Variants in CECR2 observed in about 807,000 individuals in gnomAD.
CECR2 encodes CECR2 histone acetyl-lysine reader.
In CECR2, 30 loss-of-function variants were observed where a neutral mutation model predicts 154.5. The observed-to-expected ratio is 0.19, with a 90% CI of 0.15 to 0.26. The LOEUF (loss-of-function observed/expected upper bound fraction) is 0.26, where lower values mean the gene tolerates loss of function less well. Among genes scored for constraint, CECR2 ranks in the 10% least tolerant of loss-of-function variants. The probability of loss-of-function intolerance (pLI) is 1.00; values close to 1 mark genes in which losing one functional copy is unlikely to be tolerated. For synonymous variants in CECR2, 725 were observed against 683.7 expected (o/e 1.06, Z -0.94); for missense variants, 1,743 against 1,829.3 (o/e 0.95, Z 0.86).
rs763386899 is a variant in CECR2, at chr22:17,542,203, C to G, written c.2060C>G (p.Pro687Arg). 1.9e-6 allele frequency: 3 copies of G among 1,612,924 alleles called. No individual in the cohort carries two copies. Among genetic ancestry groups the G allele is most frequent in the Non-Finnish European group, 2.5e-6 (3 of 1,179,460 alleles). The change falls in exon 16 of 19, where the codon CCA (proline) becomes CGA (arginine). Residue 687 changes from proline to arginine, a missense_variant. Around this residue, in one of 4 missense-constraint regions of CECR2, gnomAD observed 1,250 missense variants for 1,192.1 expected, o/e 1.05. Coordinates refer to ENST00000262608, the MANE Select transcript of CECR2 (RefSeq NM_001290047.2). Reference sequence around the variant, plus strand: ...CTCCGAGGACCCAGGCTAGGCACACCAGAGGAGAAGCAAATGTGCGGGGGG... The same window carrying G: ...CTCCGAGGACCCAGGCTAGGCACACGAGAGGAGAAGCAAATGTGCGGGGGG... ...NSLRGPRLGT[P>R]EEKQMCGGLT...
chr22:17,510,579 A>G (rs1473505066), intron 7 of CECR2, among the ~76,000 whole-genome samples: 1 of 152,018 alleles, frequency 6.6e-6, no homozygotes, highest in Non-Finnish European at 1.5e-5. Context: ...TTGCATTTGC[A>G]TTAGGCACTA....
intron 1 of CECR2, among the ~76,000 whole-genome samples, chr22:17,463,037 A>G (rs2054968350): frequency 6.6e-6 from 1 of 152,234 alleles, no homozygotes; most frequent in African/African-American, 2.4e-5. Context: ...ATAAATGCAT[A>G]TAATCAATAG....
chr22:17,360,385 C>A (rs1462863655), intron 1 of CECR2, among the ~76,000 whole-genome samples: 1 of 152,096 alleles, frequency 6.6e-6, no homozygotes, highest in Non-Finnish European at 1.5e-5. Context: ...GAAAAACAAA[C>A]AAAACAAAAC....
intron 2 of CECR2, among the ~76,000 whole-genome samples, chr22:17,484,389 G>T (rs1399604017): frequency 6.6e-6 from 1 of 152,090 alleles, no homozygotes; most frequent in Non-Finnish European, 1.5e-5. Context: ...AATCAGCTCT[G>T]TCACTATGAA....
intron 1 of CECR2, among the ~76,000 whole-genome samples, chr22:17,421,215 C>T (rs1012530521): frequency 3.3e-5 from 5 of 152,090 alleles, no homozygotes; most frequent in African/African-American, 1.2e-4. Flanking sequence ...GGCACGGTGG[C>T]TCACACCTGT....
At chr22:17,393,470 T>C (rs1057315965) in intron 1 of CECR2, among the ~76,000 whole-genome samples, 3 of 152,240 alleles carry the variant, frequency 2.0e-5, no homozygotes, top group African/African-American at 7.2e-5. Flanking sequence ...ATAATGCTGC[T>C]CTAAACATTT....
intron 1 of CECR2, among the ~76,000 whole-genome samples, chr22:17,443,557 T>C (rs1378584457): frequency 6.6e-6 from 1 of 151,994 alleles, no homozygotes; most frequent in East Asian, 1.9e-4. Flanking sequence ...GAAGAAGAGA[T>C]GGAAAAAAAG....
intron 8 of CECR2, among the ~76,000 whole-genome samples, chr22:17,518,294 T>C (rs142149095): frequency 3.3e-5 from 5 of 152,340 alleles, no homozygotes; most frequent in African/African-American, 1.2e-4. Context: ...GATGTCCCCG[T>C]GCTTGACATT....
chr22:17,489,228 C>T (rs1200531827), intron 2 of CECR2, among the ~76,000 whole-genome samples: 7 of 152,182 alleles, frequency 4.6e-5, no homozygotes, highest in South Asian at 2.1e-4. Flanking sequence ...CCACCTCGCC[C>T]GGCCTAGTTA....
chr22:17,412,874 G>T (rs1217844978), intron 1 of CECR2, among the ~76,000 whole-genome samples: 1 of 152,192 alleles, frequency 6.6e-6, no homozygotes, highest in African/African-American at 2.4e-5. Context: ...CGGCCAGTCT[G>T]TGTATCTGTG....
At chr22:17,477,492 C>T in intron 1 of CECR2, 96 bp from the exon 2 acceptor site, 1 of 812,672 alleles carries the variant, frequency 1.2e-6, no homozygotes. Flanking sequence ...CTGCTGGGAC[C>T]ATTCAGTTCT....
chr22:17,389,855 T>C (rs566660533), intron 1 of CECR2, among the ~76,000 whole-genome samples: 69 of 152,242 alleles, frequency 4.5e-4, no homozygotes, highest in African/African-American at 1.6e-3. Flanking sequence ...CTTGAACTCC[T>C]GACCTCAGAT....
intron 1 of CECR2, among the ~76,000 whole-genome samples, chr22:17,473,865 A>T (rs892826296): frequency 6.6e-6 from 1 of 152,232 alleles, no homozygotes; most frequent in Non-Finnish European, 1.5e-5. Flanking sequence ...TAATGGGGAA[A>T]CATTTTAACT....
intron 1 of CECR2, among the ~76,000 whole-genome samples, chr22:17,442,836 C>T (rs967357192): frequency 7.9e-5 from 12 of 152,250 alleles, no homozygotes; most frequent in Admixed American, 5.9e-4. Flanking sequence ...AGTGAGCCAC[C>T]GCGCCTGGCC....
At position 17,556,904 on chromosome 22, in the gene CECR2, A is replaced by G. The variant is rs970013350; in HGVS notation, c.*4064A>G. 1 of 152,214 alleles carries G rather than the reference A, an allele frequency of 6.6e-6. No individual in the cohort carries two copies. Among genetic ancestry groups the G allele is most frequent in the Admixed American group, 6.5e-5 (1 of 15,278 alleles). 9.4% of individuals were successfully genotyped at this position (152,214 alleles called of 1,614,324 possible). On this transcript the variant is annotated 3_prime_UTR_variant, in exon 19 of 19. Transcript: ENST00000262608. ...GTCCACCAGTGACTCTCCGGACACT[A>G]GCTTCAGTAAGGATACTTCTTATTT...
chr22:17,423,013 G>T (rs749789677), intron 1 of CECR2, among the ~76,000 whole-genome samples: 1 of 152,032 alleles, frequency 6.6e-6, no homozygotes, highest in Non-Finnish European at 1.5e-5. Context: ...GTCTGCTTCC[G>T]ATGAGTCTGG....
At chr22:17,388,264 C>T (rs1453784033) in intron 1 of CECR2, among the ~76,000 whole-genome samples, 2 of 152,156 alleles carry the variant, frequency 1.3e-5, no homozygotes, top group African/African-American at 2.4e-5. Context: ...AAGTTTTCTT[C>T]ATAGTTACTT....
intron 1 of CECR2, among the ~76,000 whole-genome samples, chr22:17,363,013 C>T (rs1398998210): frequency 2.0e-5 from 3 of 150,960 alleles, no homozygotes; most frequent in Non-Finnish European, 4.4e-5. Context: ...TGTGTCACGT[C>T]CTTTGCATCC....
chr22:17,446,684 C>T (rs2054669894), intron 1 of CECR2, among the ~76,000 whole-genome samples: 2 of 152,104 alleles, frequency 1.3e-5, no homozygotes, highest in South Asian at 4.2e-4. Flanking sequence ...CCACTGCACT[C>T]CAGCCTGGGT....
Sources: gnomAD v4.1 joint callset for allele counts (sites outside exome capture counted in the v4.1 genomes callset) on GRCh38, gnomAD v4.1.1 for gene constraint, gnomAD v4.1.1 regional missense constraint, MANE v1.5 for transcripts, NCBI Gene and HGNC (gene_info 2026-07-23, HGNC 2026-07-21) for gene names.